The following QTMAN variants were observed in gnomAD, a reference collection of about 807,000 sequenced individuals.
QTMAN encodes the protein tRNA-queuosine alpha-mannosyltransferase.
At chr2:144,042,196 G>GA in the QTMAN span, among the ~76,000 whole-genome samples, 18 of 151,980 alleles carry the variant, frequency 1.2e-4, no homozygotes, top group African/African-American at 3.4e-4. Flanking sequence ...GGTGCAGAGG[G>GA]AAAAAACACA....
chr2:143,970,897 T>C, the QTMAN span: 26 of 627,170 alleles, frequency 4.1e-5, no homozygotes, highest in Non-Finnish European at 5.5e-5. Flanking sequence ...CAAGTGGAGA[T>C]TTCTTCCTAT....
the QTMAN span, among the ~76,000 whole-genome samples, chr2:144,116,799 C>T: frequency 1.3e-5 from 2 of 152,060 alleles, no homozygotes; most frequent in African/African-American, 2.4e-5. Context: ...TTATTGTTTC[C>T]GTTTTACAGA....
chr2:144,206,801 T>C, the QTMAN span, among the ~76,000 whole-genome samples: 1 of 152,234 alleles, frequency 6.6e-6, no homozygotes, highest in South Asian at 2.1e-4. Context: ...CACACATATA[T>C]TTGTGATACA....
chr2:143,992,833 T>TA, the QTMAN span, among the ~76,000 whole-genome samples: 87 of 152,176 alleles, frequency 5.7e-4, no homozygotes, highest in African/African-American at 2.1e-3. Context: ...GGTAATTACT[T>TA]AAAAAATCAA....
chr2:144,306,721 A>C, the QTMAN span, among the ~76,000 whole-genome samples: 1 of 152,212 alleles, frequency 6.6e-6, no homozygotes, highest in African/African-American at 2.4e-5. Flanking sequence ...GCAATTAAGC[A>C]AATCAAATTT....
At chr2:144,079,159 T>C in the QTMAN span, among the ~76,000 whole-genome samples, 1 of 152,116 alleles carries the variant, frequency 6.6e-6, no homozygotes, top group South Asian at 2.1e-4. Flanking sequence ...GACTGGACAA[T>C]GAAATAGAGG....
the QTMAN span, among the ~76,000 whole-genome samples, chr2:144,228,883 G>A: frequency 2.6e-5 from 4 of 152,108 alleles, no homozygotes; most frequent in African/African-American, 7.2e-5. Context: ...GCTTGAACCC[G>A]GGAGGCGGAG....
the QTMAN span, among the ~76,000 whole-genome samples, chr2:144,173,357 A>G: frequency 6.6e-6 from 1 of 152,214 alleles, no homozygotes; most frequent in Non-Finnish European, 1.5e-5. Flanking sequence ...ATTACATTAC[A>G]TAAGATTATA....
the QTMAN span, chr2:143,952,080 G>A: frequency 6.5e-7 from 1 of 1,548,744 alleles, no homozygotes; most frequent in South Asian, 1.1e-5. Context: ...TCAGCTGCAG[G>A]AAAAACAGAT....
the QTMAN span, among the ~76,000 whole-genome samples, chr2:144,239,663 A>C: frequency 2.0e-5 from 3 of 152,198 alleles, no homozygotes; most frequent in Admixed American, 2.0e-4. Flanking sequence ...AAAACCCACA[A>C]AAAAATGGCT....
the QTMAN span, among the ~76,000 whole-genome samples, chr2:144,207,620 T>C: frequency 3.3e-5 from 5 of 152,142 alleles, no homozygotes; most frequent in African/African-American, 7.2e-5. Context: ...AAGTTTTATA[T>C]CATTTGTGTT....
the QTMAN span, among the ~76,000 whole-genome samples, chr2:144,284,734 C>T: frequency 6.6e-6 from 1 of 151,954 alleles, no homozygotes; most frequent in Non-Finnish European, 1.5e-5. Flanking sequence ...CATTCATTTC[C>T]GTAAAAAGGT....
chr2:144,052,391 G>A, the QTMAN span, among the ~76,000 whole-genome samples: 4 of 152,086 alleles, frequency 2.6e-5, no homozygotes, highest in Non-Finnish European at 5.9e-5. Context: ...GTGAAGAGAC[G>A]AGCAAAAAGA....
the QTMAN span, among the ~76,000 whole-genome samples, chr2:144,004,501 C>A: frequency 6.6e-6 from 1 of 151,934 alleles, no homozygotes; most frequent in Non-Finnish European, 1.5e-5. Context: ...GATGATAAAG[C>A]ATCTACCACT....
the QTMAN span, among the ~76,000 whole-genome samples, chr2:143,961,508 ATTAAT>A: frequency 6.6e-6 from 1 of 152,074 alleles, no homozygotes; most frequent in African/African-American, 2.4e-5. Context: ...TTTTCCATTA[ATTAAT>A]TTATTTTCCT....
chr2:144,080,560 G>GT, the QTMAN span, among the ~76,000 whole-genome samples: 2 of 152,066 alleles, frequency 1.3e-5, no homozygotes, highest in African/African-American at 4.8e-5. Flanking sequence ...TTATGTCTCC[G>GT]TAAGGTTTCA....
chr2:144,210,422 T>A, the QTMAN span, among the ~76,000 whole-genome samples: 1 of 152,228 alleles, frequency 6.6e-6, no homozygotes, highest in Non-Finnish European at 1.5e-5. Flanking sequence ...TCTACCATTT[T>A]AAGTTCAGTA....
the QTMAN span, among the ~76,000 whole-genome samples, chr2:144,029,336 T>C: frequency 6.6e-6 from 1 of 152,216 alleles, no homozygotes; most frequent in Non-Finnish European, 1.5e-5. Flanking sequence ...TGAATTTATA[T>C]ATTTTCTTAT....
At chr2:143,965,857 C>T in the QTMAN span, among the ~76,000 whole-genome samples, 1 of 152,186 alleles carries the variant, frequency 6.6e-6, no homozygotes, top group Non-Finnish European at 1.5e-5. Flanking sequence ...GAGACTACCT[C>T]CACTTCATAT....
Sources: allele counts gnomAD v4.1 joint callset (sites outside exome capture counted in the v4.1 genomes callset), GRCh38; gene constraint gnomAD v4.1.1; transcripts MANE v1.5; gene names NCBI Gene and HGNC (gene_info 2026-07-23, HGNC 2026-07-21).